PALM2AKAP2: variants seen among roughly 807,000 people sequenced by gnomAD.
The protein encoded by PALM2AKAP2 is PALM2 and AKAP2 fusion.
A neutral mutation model predicts 71.5 loss-of-function variants in PALM2AKAP2; 37 were observed. The observed-to-expected ratio is 0.52, with a 90% CI of 0.40 to 0.68. The LOEUF (loss-of-function observed/expected upper bound fraction) is 0.68. Among genes scored for constraint, PALM2AKAP2 ranks in the 30% least tolerant of loss-of-function variants. PALM2AKAP2 has a pLI of 0.00. For missense variants in PALM2AKAP2, 1,224 were observed against 1,191.8 expected, an observed-to-expected ratio of 1.03 and a Z score of -0.40; for synonymous variants, 468 against 478.8, an observed-to-expected ratio of 0.98 and a Z score of 0.29.
At chr9:109,713,703 A>G (rs1471625856) in intron 1 of PALM2AKAP2, among the ~76,000 whole-genome samples, 1 of 152,206 alleles carries the variant, frequency 6.6e-6, no homozygotes. Flanking sequence ...ATTCTGGAAA[A>G]GGCAAAACTA....
intron 7 of PALM2AKAP2, among the ~76,000 whole-genome samples, chr9:110,030,568 G>A (rs1305668292): frequency 6.6e-6 from 1 of 152,120 alleles, no homozygotes; most frequent in African/African-American, 2.4e-5. Flanking sequence ...TGGGGATATA[G>A]GTTTCTGAGC....
chr9:110,160,829 C>A (rs1836577368), intron 3 of PALM2AKAP2, among the ~76,000 whole-genome samples: 1 of 152,200 alleles, frequency 6.6e-6, no homozygotes, highest in Non-Finnish European at 1.5e-5. Flanking sequence ...TGGGGTTTTC[C>A]AGTGTGCTCT....
intron 7 of PALM2AKAP2, among the ~76,000 whole-genome samples, chr9:110,035,329 G>T (rs953059443): frequency 7.0e-6 from 1 of 142,664 alleles, no homozygotes; most frequent in African/African-American, 2.6e-5. Flanking sequence ...TGTATTATAT[G>T]TATAATACAT....
chr9:109,849,795 A>AAG (rs746276849), intron 1 of PALM2AKAP2, among the ~76,000 whole-genome samples: 29 of 151,920 alleles, frequency 1.9e-4, no homozygotes, highest in African/African-American at 6.0e-4. Flanking sequence ...AATAAACGGA[A>AAG]AGAGAGAGAG....
chr9:110,114,853 C>T (rs1336218418), intron 1 of PALM2AKAP2, among the ~76,000 whole-genome samples: 2 of 152,178 alleles, frequency 1.3e-5, no homozygotes, highest in East Asian at 3.8e-4. Flanking sequence ...TCTCAACCAT[C>T]CGGCTGTGCT....
chr9:109,851,551 C>T (rs1294265866), intron 1 of PALM2AKAP2, among the ~76,000 whole-genome samples: 1 of 152,058 alleles, frequency 6.6e-6, no homozygotes. Context: ...TGATAGATAC[C>T]AAAGGGAAGC....
At chr9:109,703,225 G>A (rs1439445754) in intron 1 of PALM2AKAP2, among the ~76,000 whole-genome samples, 1 of 152,088 alleles carries the variant, frequency 6.6e-6, no homozygotes, top group Non-Finnish European at 1.5e-5. Flanking sequence ...CTGATATTCA[G>A]GTCAGTATTC....
rs1335335311 is a variant in PALM2AKAP2 at position 110,004,166 on chromosome 9, A to G, written c.497-11788A>G. On this transcript the variant is annotated intron_variant, in intron 6 of 9. Transcript: ENST00000302798. Reference sequence around the variant, plus strand: ...TTGACATGTTTTCGCAGTGGCTGGTACCAGTTTTTCCTTTCCACGTTTAGT... The same window carrying G: ...TTGACATGTTTTCGCAGTGGCTGGTGCCAGTTTTTCCTTTCCACGTTTAGT... Among the ~76,000 whole-genome samples, 4 of 152,260 alleles carry G rather than the reference A, an allele frequency of 2.6e-5. No individual in the cohort carries two copies. In the East Asian group the frequency reaches 7.7e-4, roughly 29 times the overall value.
At chr9:109,790,450 A>C (rs1380870899) in intron 1 of PALM2AKAP2, among the ~76,000 whole-genome samples, 1 of 152,220 alleles carries the variant, frequency 6.6e-6, no homozygotes, top group Non-Finnish European at 1.5e-5. Context: ...TATTCTTAAG[A>C]GAAAAACATG....
intron 1 of PALM2AKAP2, among the ~76,000 whole-genome samples, chr9:109,859,280 T>C (rs374489379): frequency 1.3e-5 from 2 of 152,218 alleles, no homozygotes; most frequent in East Asian, 3.9e-4. Context: ...GAAGGGAGTG[T>C]GTGTAGTGGA....
intron 2 of PALM2AKAP2, among the ~76,000 whole-genome samples, chr9:110,151,251 A>G (rs747027464): frequency 2.6e-5 from 4 of 152,152 alleles, no homozygotes; most frequent in Non-Finnish European, 4.4e-5. Flanking sequence ...AGGTCTCACT[A>G]TGTTAACCAG....
intron 1 of PALM2AKAP2, among the ~76,000 whole-genome samples, chr9:110,110,613 C>G (rs1835225840): frequency 7.5e-6 from 1 of 133,158 alleles, no homozygotes; most frequent in Non-Finnish European, 1.5e-5. Flanking sequence ...GTGGTACGAT[C>G]TTGGCTCACT....
intron 1 of PALM2AKAP2, among the ~76,000 whole-genome samples, chr9:109,733,640 C>A (rs905517888): frequency 6.6e-6 from 1 of 152,110 alleles, no homozygotes; most frequent in Non-Finnish European, 1.5e-5. Context: ...AGTTTATAAC[C>A]CTATGGCCTA....
chr9:109,713,591 G>A (rs1196602754), intron 1 of PALM2AKAP2, among the ~76,000 whole-genome samples: 1 of 152,086 alleles, frequency 6.6e-6, no homozygotes, highest in Non-Finnish European at 1.5e-5. Context: ...TTACCTTGTT[G>A]AAAATCAAAT....
chr9:110,054,807 A>G (rs1833797848), intron 1 of PALM2AKAP2, among the ~76,000 whole-genome samples: 1 of 152,194 alleles, frequency 6.6e-6, no homozygotes, highest in African/African-American at 2.4e-5. Context: ...TCGGGGCTCA[A>G]GCAGTCCTCC....
chr9:110,032,759 CA>C (rs147095864), intron 7 of PALM2AKAP2, among the ~76,000 whole-genome samples: 20,171 of 146,916 alleles, frequency 0.14, 1,563 homozygotes, highest in East Asian at 0.29. Flanking sequence ...AATAAAAAAA[CA>C]AAAAAAATAA....
intron 1 of PALM2AKAP2, among the ~76,000 whole-genome samples, chr9:109,709,931 A>G (rs1172354750): frequency 6.6e-6 from 1 of 152,206 alleles, no homozygotes; most frequent in Non-Finnish European, 1.5e-5. Flanking sequence ...TTGCAGATGT[A>G]ATTAAGGATC....
intron 7 of PALM2AKAP2, among the ~76,000 whole-genome samples, chr9:110,018,103 T>A (rs991913141): frequency 1.3e-5 from 2 of 152,182 alleles, no homozygotes; most frequent in African/African-American, 4.8e-5. Flanking sequence ...AGGCTACTCA[T>A]CCATGGTACC....
At chr9:109,731,125 C>T (rs992643663) in intron 1 of PALM2AKAP2, among the ~76,000 whole-genome samples, 1 of 152,168 alleles carries the variant, frequency 6.6e-6, no homozygotes, top group Non-Finnish European at 1.5e-5. Context: ...AACTTATATA[C>T]ATGTATACAT....
Sources: allele counts gnomAD v4.1 joint callset (sites outside exome capture counted in the v4.1 genomes callset), GRCh38; gene constraint gnomAD v4.1.1; transcripts MANE v1.5; gene names NCBI Gene and HGNC (gene_info 2026-07-23, HGNC 2026-07-21).